PDZRN4: variants seen among roughly 807,000 people sequenced by gnomAD.
The protein encoded by PDZRN4 is PDZ domain-containing RING finger protein 4.
A neutral mutation model predicts 99.0 loss-of-function variants in PDZRN4; 70 were observed. The ratio of observed to expected loss-of-function variants is 0.71; its 90% CI spans 0.58 to 0.86. The LOEUF (loss-of-function observed/expected upper bound fraction) is 0.86, where lower values mean the gene tolerates loss of function less well. PDZRN4 is among the 40% of genes least tolerant of loss of function. The pLI, the probability that PDZRN4 is intolerant of heterozygous loss-of-function variation, is 0.00. For synonymous variants in PDZRN4, 551 were observed against 501.6 expected (o/e 1.10, Z -1.32); for missense variants, 1,474 against 1,331.2 (o/e 1.11, Z -1.67).
chr12:41,465,902 A>G (rs1195763170), intron 3 of PDZRN4, among the ~76,000 whole-genome samples: 10 of 152,124 alleles, frequency 6.6e-5, no homozygotes, highest in Non-Finnish European at 1.2e-4. Context: ...TTTTTTTTTA[A>G]TAGCCTTGGT....
At chr12:41,424,148 A>T (rs1592054404) in intron 3 of PDZRN4, among the ~76,000 whole-genome samples, 1 of 152,188 alleles carries the variant, frequency 6.6e-6, no homozygotes, top group South Asian at 2.1e-4. Context: ...TTGCTTGATA[A>T]GGAATTAGCT....
chr12:41,344,723 A>G (rs954386693), intron 3 of PDZRN4, among the ~76,000 whole-genome samples: 7 of 148,762 alleles, frequency 4.7e-5, no homozygotes, highest in African/African-American at 1.7e-4. Context: ...TTAATTTTTC[A>G]TTTTTTGATG....
intron 3 of PDZRN4, among the ~76,000 whole-genome samples, chr12:41,477,590 G>A (rs1435570539): frequency 6.6e-6 from 1 of 152,142 alleles, no homozygotes; most frequent in Non-Finnish European, 1.5e-5. Flanking sequence ...TTGTTTAGAA[G>A]GTAGCAGCCA....
intron 3 of PDZRN4, among the ~76,000 whole-genome samples, chr12:41,266,939 T>C (rs1172837334): frequency 6.6e-6 from 1 of 152,202 alleles, no homozygotes; most frequent in African/African-American, 2.4e-5. Flanking sequence ...TAGTACATAT[T>C]TCCAGAATTA....
intron 7 of PDZRN4, among the ~76,000 whole-genome samples, chr12:41,556,121 T>C (rs1387323958): frequency 1.3e-5 from 2 of 152,232 alleles, no homozygotes; most frequent in Non-Finnish European, 2.9e-5. Context: ...AATGAGATTA[T>C]GCTTGCCATA....
At chr12:41,285,195 A>G (rs1011441915) in intron 3 of PDZRN4, among the ~76,000 whole-genome samples, 15 of 152,214 alleles carry the variant, frequency 9.9e-5, no homozygotes, top group African/African-American at 2.9e-4. Context: ...AAAACAGGCA[A>G]AGAATATGAA....
intron 3 of PDZRN4, chr12:41,459,913 T>C (rs1952854408): frequency 3.2e-6 from 4 of 1,247,884 alleles, no homozygotes; most frequent in African/African-American, 1.6e-5. Flanking sequence ...ACAGCTTTAC[T>C]GTTTTGACTG....
intron 3 of PDZRN4, among the ~76,000 whole-genome samples, chr12:41,307,972 G>A (rs184935673): frequency 1.3e-5 from 2 of 152,086 alleles, no homozygotes; most frequent in African/African-American, 4.8e-5. Context: ...TAAAGCTTAG[G>A]TTAAGTACTT....
At chr12:41,441,793 G>T (rs1952683043) in intron 3 of PDZRN4, among the ~76,000 whole-genome samples, 1 of 151,996 alleles carries the variant, frequency 6.6e-6, no homozygotes, top group African/African-American at 2.4e-5. Flanking sequence ...GCCAGTGAAG[G>T]TCTCACCCTC....
intron 5 of PDZRN4, among the ~76,000 whole-genome samples, chr12:41,545,486 C>A (rs1435954239): frequency 2.0e-5 from 3 of 150,590 alleles, no homozygotes; most frequent in Non-Finnish European, 4.4e-5. Context: ...TTCCCTCTGC[C>A]CCAGCCCATA....
intron 3 of PDZRN4, among the ~76,000 whole-genome samples, chr12:41,389,983 A>G (rs1436502237): frequency 6.6e-6 from 1 of 152,212 alleles, no homozygotes; most frequent in Admixed American, 6.5e-5. Flanking sequence ...GTCGAAAAGG[A>G]CAGATTATTC....
At position 41,292,063 on chromosome 12, in the gene PDZRN4, C is replaced by T. The variant is rs188348318; in HGVS notation, c.843+97875C>T. Among the ~76,000 whole-genome samples the T allele has an allele frequency of 3.0e-3, 452 of 152,230 alleles. 5 individuals are homozygous for T. The highest frequency in any genetic ancestry group is 6.0e-3 in the Admixed American group (92 of 15,266). ...AGGTGAATCAATTAATCATCAGGCA[C>T]ACAAGCAACAAACAAAGCATGAGTA... On this transcript the variant is annotated intron_variant, in intron 3 of 9. Transcript: ENST00000402685.
At chr12:41,438,014 G>GT in intron 3 of PDZRN4, 1 of 1,614,000 alleles carries the variant, frequency 6.2e-7, no homozygotes, top group Non-Finnish European at 8.5e-7. Context: ...AGTTTCCCAG[G>GT]TGAGTGCAGG....
chr12:41,501,383 T>C (rs1005520215), intron 3 of PDZRN4, among the ~76,000 whole-genome samples: 1 of 152,138 alleles, frequency 6.6e-6, no homozygotes, highest in Non-Finnish European at 1.5e-5. Context: ...TTTGGAGGAA[T>C]AATCAAAGGG....
At chr12:41,211,976 G>A (rs933778738) in intron 3 of PDZRN4, among the ~76,000 whole-genome samples, 8 of 151,784 alleles carry the variant, frequency 5.3e-5, no homozygotes, top group African/African-American at 1.9e-4. Flanking sequence ...TTAGTTTTAT[G>A]GAGAAACTCC....
chr12:41,359,530 T>G (rs1468804911), intron 3 of PDZRN4, among the ~76,000 whole-genome samples: 1 of 152,022 alleles, frequency 6.6e-6, no homozygotes, highest in Non-Finnish European at 1.5e-5. Flanking sequence ...GGAATTATAA[T>G]TCCCAACTGT....
In PDZRN4 at chr12:41,507,750, C is replaced by T. The variant is rs184585490; in HGVS notation, c.1100+1038C>T. ...GTTTTGAAAACACTTCTTGAGACTTCGAGTTCCAGGAAGGCAGGGGATCTG... is the reference window on the plus strand; with the variant it reads ...GTTTTGAAAACACTTCTTGAGACTTTGAGTTCCAGGAAGGCAGGGGATCTG... On this transcript the variant is annotated intron_variant, in intron 4 of 9. Coordinates refer to ENST00000402685, the MANE Select transcript of PDZRN4 (RefSeq NM_001164595.2). 1.7e-3 allele frequency among the ~76,000 whole-genome samples: 263 copies of T among 152,204 alleles called. 9 individuals are homozygous for T. Among genetic ancestry groups the T allele is most frequent in the Admixed American group, 0.017 (254 of 15,272 alleles).
rs116235469 is a variant in PDZRN4, at chr12:41,274,095, T to C, written c.843+79907T>C. Among the ~76,000 whole-genome samples the C allele has an allele frequency of 8.7e-3, 1,331 of 152,192 alleles. 20 individuals carry two copies. The highest frequency in any genetic ancestry group is 0.031 in the African/African-American group (1,294 of 41,548). On this transcript the variant is annotated intron_variant, in intron 3 of 9. Transcript: ENST00000402685. ...GTAAGGACATTATATATTTTTTTCATTTTGTACTGGGATAACTACCTCACC... is the reference window on the plus strand; with the variant it reads ...GTAAGGACATTATATATTTTTTTCACTTTGTACTGGGATAACTACCTCACC...
At chr12:41,461,152 A>G (rs1952869984) in intron 3 of PDZRN4, among the ~76,000 whole-genome samples, 1 of 152,170 alleles carries the variant, frequency 6.6e-6, no homozygotes, top group African/African-American at 2.4e-5. Flanking sequence ...AACAAATGAC[A>G]AGCACAAAAG....
Sources: gnomAD v4.1 joint callset for allele counts (sites outside exome capture counted in the v4.1 genomes callset) on GRCh38, gnomAD v4.1.1 for gene constraint, MANE v1.5 for transcripts, NCBI Gene and HGNC (gene_info 2026-07-23, HGNC 2026-07-21) for gene names.